Variants in TRMT61A observed in about 807,000 individuals in gnomAD.
TRMT61A encodes the protein tRNA (adenine(58)-N(1))-methyltransferase catalytic subunit TRMT61A.
In TRMT61A, 15 loss-of-function variants were observed where a neutral mutation model predicts 21.3. The ratio of observed to expected loss-of-function variants is 0.70; its 90% confidence interval spans 0.47 to 1.08. TRMT61A has a LOEUF of 1.08. Among genes scored for constraint, TRMT61A ranks in the 50% least tolerant of loss-of-function variants. The probability of loss-of-function intolerance (pLI) is 0.00; values close to 1 mark genes in which losing one functional copy is unlikely to be tolerated. For missense variants in TRMT61A, 352 were observed against 426.7 expected (o/e 0.83, Z 1.54); for synonymous variants, 183 against 185.5 (o/e 0.99, Z 0.11).
rs764319234 is a variant in TRMT61A, at chr14:103,534,552, G to A, written c.601G>A (p.Gly201Arg). The change falls in exon 4 of 4, where the codon GGG becomes AGG. Residue 201 changes from glycine to arginine, a missense_variant and splice_region_variant. Physicochemically the swap from Gly to Arg is moderately radical, Grantham distance 125. Coordinates refer to ENST00000389749, the MANE Select transcript of TRMT61A (RefSeq NM_152307.3). ...CCCTCGGGTCCTGTTTCCCACAGGC[G>A]GGCGCTTCTGCTCCTTCTCACCGTG... ...HAWDALKVEG[G>R]RFCSFSPCIE... 5.2e-6 allele frequency: 8 copies of A among 1,552,572 alleles called. No individual in the cohort carries two copies. The highest frequency in any genetic ancestry group is 1.8e-5 in the Admixed American group (1 of 54,540).
intron 3 of TRMT61A, 116 bp from the exon 4 acceptor site, chr14:103,534,434 T>A (rs908238215): frequency 1.6e-6 from 2 of 1,276,858 alleles, no homozygotes; most frequent in Admixed American, 5.0e-5. Flanking sequence ...GCAGTCTGTG[T>A]TGGGGCTGTC....
chr14:103,529,894 C>T, intron 1 of TRMT61A, 56 bp from the exon 2 acceptor site: 1 of 1,360,362 alleles, frequency 7.4e-7, no homozygotes. Context: ...CTACCTAGAC[C>T]CTAGGCCCTC....
intron 3 of TRMT61A, 38 bp from the exon 4 acceptor site, chr14:103,534,512 A>C (rs748679952): frequency 6.6e-7 from 1 of 1,523,258 alleles, no homozygotes; most frequent in African/African-American, 1.4e-5. Context: ...AGGCTCTGCC[A>C]CCCCTGCCCT....
chr14:103,530,460 G>A, intron 2 of TRMT61A, 151 bp downstream of exon 2: 1 of 742,444 alleles, frequency 1.3e-6, no homozygotes, highest in East Asian at 2.7e-5. Flanking sequence ...AGTGAAGGTG[G>A]AGGCAGAGAA....
intron 3 of TRMT61A, among the ~76,000 whole-genome samples, chr14:103,533,841 TCA>T (rs1213703371): frequency 6.6e-6 from 1 of 152,228 alleles, no homozygotes; most frequent in African/African-American, 2.4e-5. Context: ...TAGGCTGTTG[TCA>T]CACAGCAGGT....
At chr14:103,530,700 G>A (rs2142238648) in intron 2 of TRMT61A, among the ~76,000 whole-genome samples, 1 of 152,344 alleles carries the variant, frequency 6.6e-6, no homozygotes, top group South Asian at 2.1e-4. Context: ...CTACCCCGAG[G>A]AGCTCACTGT....
rs2075954056 is a variant in TRMT61A at position 103,531,511 on chromosome 14, C to T, written c.332-1071C>T. Among the ~76,000 whole-genome samples, 1 of 152,120 alleles carries T rather than the reference C, an allele frequency of 6.6e-6. No homozygotes were observed. Among genetic ancestry groups the T allele is most frequent in the South Asian group, 2.1e-4 (1 of 4,812 alleles). On this transcript the variant is annotated intron_variant, in intron 2 of 3. Coordinates refer to ENST00000389749, the MANE Select transcript of TRMT61A (RefSeq NM_152307.3). This position sits in a 1 kb window ranked among gnomAD's most constrained non-coding sequence, Gnocchi z 5.1. ...GCTGGGAGTGAGGTTGGAGGGGAAG[C>T]GAGCTCCACCCCGGAGGCTAACAAG...
At chr14:103,532,272 C>T (rs2075957043) in intron 2 of TRMT61A, among the ~76,000 whole-genome samples, 1 of 152,190 alleles carries the variant, frequency 6.6e-6, no homozygotes, top group African/African-American at 2.4e-5. Flanking sequence ...GGGCTGCTCT[C>T]ATTCCCTATA....
At position 103,536,529 on chromosome 14, in the gene TRMT61A, G is replaced by A. The variant is rs1198887048; in HGVS notation, c.*1708G>A. 1 of 152,240 alleles carries A rather than the reference G, an allele frequency of 6.6e-6. No homozygotes were observed. The highest frequency in any genetic ancestry group is 2.4e-5 in the African/African-American group (1 of 41,428). 9.4% of individuals were successfully genotyped at this position (152,240 alleles called of 1,614,324 possible). A position where few individuals can be genotyped will look rare whatever the true frequency, so the allele number is the denominator to read the frequency against. On this transcript the variant is annotated 3_prime_UTR_variant, in exon 4 of 4. Coordinates refer to ENST00000389749, the MANE Select transcript of TRMT61A (RefSeq NM_152307.3). ...GGCACAGAGGAGGGGCCCCCAGTCA[G>A]GTTCAACATGGAAGTGGGTGACCCT... is the stretch of plus-strand genomic sequence containing the variant.
chr14:103,530,036 C>G lies in TRMT61A; in HGVS notation c.58C>G (p.Leu20Val), dbSNP rs755526697. The change falls in exon 2 of 4, where the codon CTG becomes GTG. Residue 20 changes from leucine (L) to valine (V), a missense_variant. Physicochemically the swap from Leu to Val is conservative, Grantham distance 32. Transcript: ENST00000389749. ...IKEGDTAILS[L>V]GHGAMVAVRV... ...GGAGGGTGACACGGCCATCCTGTCA[C>G]TGGGCCATGGTGCAATGGTGGCGGT... The G allele has an allele frequency of 6.2e-7, 1 of 1,612,896 alleles. No homozygotes were observed.
rs370512891 is a variant in TRMT61A at position 103,530,287 on chromosome 14, C to T, written c.309C>T (p.Pro103=). Reference sequence around the variant, plus strand: ...TCACCATGATGTTGGAGCTTCGGCCCGGCTCTGTGGTCTGTGAGTCTGGTG... The same window carrying T: ...TCACCATGATGTTGGAGCTTCGGCCTGGCTCTGTGGTCTGTGAGTCTGGTG... ...ALITMMLELR[P]GSVVCESGTG... is the part of the protein sequence containing the mutation. Residue 103 remains proline, a synonymous_variant, in exon 2 of 4, where the codon CCC becomes CCT. Transcript: ENST00000389749. The T allele has an allele frequency of 3.8e-6, 6 of 1,589,718 alleles. No homozygotes were observed. Among genetic ancestry groups the T allele is most frequent in the Non-Finnish European group, 5.2e-6 (6 of 1,160,922 alleles).
intron 3 of TRMT61A, 95 bp from the exon 4 acceptor site, chr14:103,534,455 C>T (rs1181749369): frequency 2.1e-6 from 3 of 1,435,022 alleles, no homozygotes; most frequent in Non-Finnish European, 1.9e-6. Flanking sequence ...TTAGGCTGGC[C>T]TCAGACCCTA....
At position 103,536,490 on chromosome 14, in the gene TRMT61A, T is replaced by C. The variant is rs1057025208; in HGVS notation, c.*1669T>C. On this transcript the variant is annotated 3_prime_UTR_variant, in exon 4 of 4. Transcript: ENST00000389749. Reference sequence around the variant, plus strand: ...CAGGACCCAGCTTCCCTTCTAACCTTGTTACTCACCTGGGGCACAGAGGAG... The same window carrying C: ...CAGGACCCAGCTTCCCTTCTAACCTCGTTACTCACCTGGGGCACAGAGGAG... 6.6e-6 allele frequency: 1 copy of C among 152,224 alleles called. No individual in the cohort carries two copies. Among genetic ancestry groups the C allele is most frequent in the Non-Finnish European group, 1.5e-5 (1 of 68,062 alleles). 9.4% of individuals were successfully genotyped at this position (152,224 alleles called of 1,614,324 possible).
At chr14:103,532,951 C>T in intron 3 of TRMT61A, 103 bp downstream of exon 3, 1 of 1,413,100 alleles carries the variant, frequency 7.1e-7, no homozygotes, top group Non-Finnish European at 9.4e-7. Flanking sequence ...CCAAGCCACA[C>T]CATGGCAGTG....
intron 1 of TRMT61A, 147 bp from the exon 2 acceptor site, chr14:103,529,801 CCT>C: frequency 1.6e-6 from 1 of 620,982 alleles, no homozygotes; most frequent in Non-Finnish European, 2.8e-6. Context: ...TATTGGGCTC[CCT>C]GTCAGGCAGT....
Position 103,532,766 on chromosome 14 carries a change from C to G in TRMT61A, c.516C>G (p.Ser172Arg). ...TGTGCCGCAGTGGCTTTGGCGTGAG[C>G]CACGTGGCCGACGCCGTCTTCCTGG... ...QDVCRSGFGV[S>R]HVADAVFLDI... Residue 172 changes from serine (S) to arginine (R), a missense_variant, in exon 3 of 4, where the codon AGC becomes AGG. Ser to Arg is a moderately radical substitution (Grantham distance 110). Transcript: ENST00000389749. 6.3e-7 allele frequency: 1 copy of G among 1,585,138 alleles called. No homozygotes were observed. Among genetic ancestry groups the G allele is most frequent in the Non-Finnish European group, 8.6e-7 (1 of 1,166,298 alleles).
At position 103,534,952 on chromosome 14, in the gene TRMT61A, T is replaced by G; in HGVS notation, c.*131T>G. 1 of 1,189,904 alleles carries G rather than the reference T, an allele frequency of 8.4e-7. No homozygotes were observed. The highest frequency in any genetic ancestry group is 1.2e-6 in the Non-Finnish European group (1 of 831,524). The allele number at this position is 1,189,904 out of a possible 1,614,324, so 73.7% of individuals were successfully genotyped here. ...GGGTGGGGCTTGGGGGCCTCCTGGG[T>G]GGCCAGAGTGGGACAGCAGGAAGGG... On this transcript the variant is annotated 3_prime_UTR_variant, in exon 4 of 4. Coordinates refer to ENST00000389749, the MANE Select transcript of TRMT61A (RefSeq NM_152307.3).
rs1459074089 is a variant in TRMT61A at position 103,532,726 on chromosome 14, TG to T, written c.477del (p.Arg160AlafsTer12). The part of the protein sequence containing the change: ...QEHRVGRWVT[V>X]RTQDVCRSGF... ...CACCGTGTGGGCCGCTGGGTGACTG[TG>T]CGCACCCAGGACGTGTGCCGCAGTG... is the stretch of plus-strand genomic sequence containing the variant. On this transcript the variant is annotated frameshift_variant, in exon 3 of 4. Transcript: ENST00000389749. LOFTEE classifies it high-confidence loss of function. 3.1e-6 allele frequency: 5 copies of T among 1,610,728 alleles called. No individual in the cohort carries two copies. The South Asian group carries it at 5.5e-5, about 18-fold the overall frequency.
rs2075968450 is a variant in TRMT61A at position 103,534,974 on chromosome 14, A to AG, written c.*156dup. 1 of 970,622 alleles carries AG rather than the reference A, an allele frequency of 1.0e-6. No homozygotes were observed. The highest frequency in any genetic ancestry group is 1.6e-5 in the African/African-American group (1 of 62,428). The allele number at this position is 970,622 out of a possible 1,614,324, so 60.1% of individuals were successfully genotyped here. A position where few individuals can be genotyped will look rare whatever the true frequency, so the allele number is the denominator to read the frequency against. On this transcript the variant is annotated 3_prime_UTR_variant, in exon 4 of 4. Transcript: ENST00000389749. ...GGGTGGCCAGAGTGGGACAGCAGGA[A>AG]GGGCGGCTGTGATGGAGGAGCAGTG...
Sources: allele counts gnomAD v4.1 joint callset (sites outside exome capture counted in the v4.1 genomes callset), GRCh38; gene constraint gnomAD v4.1.1; non-coding constraint Gnocchi (gnomAD v3.1); transcripts MANE v1.5; gene names NCBI Gene and HGNC (gene_info 2026-07-23, HGNC 2026-07-21).